Variants in STK3 observed in about 807,000 individuals in gnomAD.
The protein encoded by STK3 is serine/threonine-protein kinase 3.
Under a neutral mutation model 58.0 loss-of-function variants are expected in STK3, and 41 were observed. The observed-to-expected ratio is 0.71, with a 90% CI of 0.55 to 0.92. The LOEUF is 0.92. Ranked by LOEUF, STK3 falls within the 40% of genes least tolerant of loss-of-function variation. The pLI, the probability that STK3 is intolerant of heterozygous loss-of-function variation, is 0.00. For missense variants in STK3, 479 were observed against 602.7 expected (o/e 0.79, Z 2.15); for synonymous variants, 170 against 191.0 (o/e 0.89, Z 0.91).
At chr8:98,545,097 G>T (rs1370292622) in intron 9 of STK3, among the ~76,000 whole-genome samples, 3 of 152,148 alleles carry the variant, frequency 2.0e-5, no homozygotes, top group African/African-American at 7.2e-5. Context: ...TCAGTTTGAT[G>T]ACATAGATTC....
the STK3 span, among the ~76,000 whole-genome samples, chr8:98,346,318 G>T: frequency 4.6e-5 from 7 of 151,360 alleles, no homozygotes; most frequent in Non-Finnish European, 1.0e-4. Context: ...CAGAGCATCA[G>T]TGGTGGGACA....
rs759288461 is a variant in STK3, at chr8:98,579,765, G to T, written c.847C>A (p.Pro283Thr). 2 of 1,578,816 alleles carry T rather than the reference G, an allele frequency of 1.3e-6. No individual in the cohort carries two copies. Among genetic ancestry groups the T allele is most frequent in the African/African-American group, 1.4e-5 (1 of 72,388 alleles). The change falls in exon 8 of 11, where the codon CCT becomes ACT. Residue 283 changes from proline (P) to threonine (T), a missense_variant. Pro to Thr is a conservative substitution (Grantham distance 38). Coordinates refer to ENST00000419617, the MANE Select transcript of STK3 (RefSeq NM_006281.4). ...LQHPFIKNAK[P>T]VSILRDLITE... ...ATCAGGTCTCTTAATATTGATACAG[G>T]TTTGGCATTCTTGATAAAAGGATGC... is the stretch of plus-strand genomic sequence containing the variant.
intron 6 of STK3, among the ~76,000 whole-genome samples, chr8:98,695,772 C>G (rs975488202): frequency 1.3e-5 from 2 of 152,026 alleles, no homozygotes; most frequent in Admixed American, 6.6e-5. Flanking sequence ...GTTACTGTAG[C>G]CTTGTAGTTT....
intron 1 of STK3, among the ~76,000 whole-genome samples, chr8:98,903,554 TTC>T (rs1838760032): frequency 3.5e-4 from 4 of 11,524 alleles, no homozygotes; most frequent in Admixed American, 1.2e-3. Flanking sequence ...CTTCTTCTTC[TTC>T]CTTTTTTTTT....
chr8:98,695,780 T>G (rs558215843), intron 6 of STK3, among the ~76,000 whole-genome samples: 125 of 152,348 alleles, frequency 8.2e-4, no homozygotes, highest in African/African-American at 2.9e-3. Flanking sequence ...AGCCTTGTAG[T>G]TTGAAGTCAG....
chr8:98,840,628 T>TATATATAC (rs1477381215), intron 3 of STK3, among the ~76,000 whole-genome samples: 117 of 114,360 alleles, frequency 1.0e-3, no homozygotes, highest in Non-Finnish European at 1.4e-3. Context: ...TATATATATA[T>TATATATAC]ACACACACAT....
chr8:98,911,905 T>C (rs896481929), intron 1 of STK3, among the ~76,000 whole-genome samples: 1 of 152,216 alleles, frequency 6.6e-6, no homozygotes, highest in African/African-American at 2.4e-5. Flanking sequence ...CTTTCCACCC[T>C]TGAAATATTG....
At chr8:98,470,841 A>C (rs1350260575) in intron 10 of STK3, among the ~76,000 whole-genome samples, 4 of 152,228 alleles carry the variant, frequency 2.6e-5, no homozygotes, top group African/African-American at 9.6e-5. Flanking sequence ...TTAATCTTGC[A>C]GGGTGACCAA....
At chr8:98,506,939 T>C (rs991530364) in intron 10 of STK3, among the ~76,000 whole-genome samples, 1 of 152,136 alleles carries the variant, frequency 6.6e-6, no homozygotes, top group African/African-American at 2.4e-5. Flanking sequence ...GATTCCTGGC[T>C]CCAGAACTGT....
intron 6 of STK3, among the ~76,000 whole-genome samples, chr8:98,608,786 C>T (rs139716671): frequency 7.9e-5 from 12 of 152,246 alleles, no homozygotes; most frequent in Middle Eastern, 3.4e-3. Flanking sequence ...ATAAGATCAT[C>T]CAACTAATCA....
At chr8:98,632,916 A>T (rs1335836852) in intron 6 of STK3, among the ~76,000 whole-genome samples, 2 of 152,186 alleles carry the variant, frequency 1.3e-5, no homozygotes, top group African/African-American at 4.8e-5. Context: ...TTATTAAAAA[A>T]TGCAAATGAA....
At chr8:98,937,156 A>G (rs1341105859) in intron 1 of STK3, among the ~76,000 whole-genome samples, 2 of 152,168 alleles carry the variant, frequency 1.3e-5, no homozygotes, top group African/African-American at 4.8e-5. Context: ...GATGGGGCCA[A>G]TCTAGCCGTC....
chr8:98,903,103 G>A lies in STK3; in HGVS notation c.-78-19269C>T, dbSNP rs565746123. 1.1e-4 allele frequency among the ~76,000 whole-genome samples: 16 copies of A among 152,200 alleles called. No homozygotes were observed. The South Asian group carries it at 2.1e-3, about 20-fold the overall frequency. The stretch of plus-strand genomic sequence containing the variant: ...ATCTTTCAGTGTGTTCTAGCCATGC[G>A]GGTCTCCTTTCAGTGACTCTAATAC... On this transcript the variant is annotated intron_variant, in intron 1 of 1. Transcript: ENST00000519420.
intron 6 of STK3, among the ~76,000 whole-genome samples, chr8:98,666,041 C>T (rs952852950): frequency 2.0e-5 from 3 of 152,110 alleles, no homozygotes; most frequent in African/African-American, 7.2e-5. Context: ...ACGAGTTCTT[C>T]CAGTCCCTTT....
At chr8:98,503,170 C>T (rs1206363831) in intron 10 of STK3, among the ~76,000 whole-genome samples, 1 of 152,144 alleles carries the variant, frequency 6.6e-6, no homozygotes, top group Non-Finnish European at 1.5e-5. Flanking sequence ...TCCATTTCTT[C>T]TAGATTTTCT....
chr8:98,790,183 G>A (rs536407397), intron 1 of STK3, among the ~76,000 whole-genome samples: 34 of 152,230 alleles, frequency 2.2e-4, no homozygotes, highest in African/African-American at 7.9e-4. Context: ...TATGAAGCCA[G>A]TATCACCCTA....
chr8:98,741,720 G>A (rs946574169), intron 4 of STK3, among the ~76,000 whole-genome samples: 1 of 152,128 alleles, frequency 6.6e-6, no homozygotes, highest in African/African-American at 2.4e-5. Flanking sequence ...TCAAAAGCTA[G>A]CAGAAGGCAA....
At chr8:98,372,817 C>T (rs765799778) in intron 2 of STK3, among the ~76,000 whole-genome samples, 2 of 152,212 alleles carry the variant, frequency 1.3e-5, no homozygotes, top group South Asian at 2.1e-4. Context: ...CTGCTCCCTT[C>T]CAGCTGCGTG....
intron 6 of STK3, among the ~76,000 whole-genome samples, chr8:98,691,466 C>G (rs1039578681): frequency 8.5e-5 from 13 of 152,116 alleles, no homozygotes; most frequent in Middle Eastern, 3.4e-3. Flanking sequence ...AGAAGACATA[C>G]AAAGGGACTC....
Sources: allele counts gnomAD v4.1 joint callset (sites outside exome capture counted in the v4.1 genomes callset), GRCh38; gene constraint gnomAD v4.1.1; transcripts MANE v1.5; gene names NCBI Gene and HGNC (gene_info 2026-07-23, HGNC 2026-07-21).